MCTP2: variants seen among roughly 807,000 people sequenced by gnomAD.
MCTP2 encodes the protein multiple C2 and transmembrane domain containing 2.
MCTP2 carries 132 observed loss-of-function variants against 111.6 expected under a neutral mutation model. That is an observed-to-expected ratio of 1.18 (90% CI 1.03 to 1.37). The LOEUF (loss-of-function observed/expected upper bound fraction) is 1.37. MCTP2 is among the 40% of genes most tolerant of loss of function. MCTP2 has a pLI of 0.00. For synonymous variants in MCTP2, 395 were observed against 387.7 expected, an observed-to-expected ratio of 1.02 and a Z score of -0.22; for missense variants, 1,183 against 1,067.9, an observed-to-expected ratio of 1.11 and a Z score of -1.50.
intron 8 of MCTP2, among the ~76,000 whole-genome samples, chr15:94,350,130 G>T (rs2152417205): frequency 6.6e-6 from 1 of 152,262 alleles, no homozygotes; most frequent in South Asian, 2.1e-4. Context: ...GCCCTGGGAA[G>T]GACTAGAGTA....
chr15:94,232,781 T>C (rs1175345795), intron 1 of MCTP2, among the ~76,000 whole-genome samples: 3 of 152,188 alleles, frequency 2.0e-5, no homozygotes, highest in Admixed American at 2.0e-4. Flanking sequence ...GCAGGGAGAA[T>C]GTAAATCTTT....
At chr15:94,270,337 G>T (rs1024013212) in intron 1 of MCTP2, among the ~76,000 whole-genome samples, 1 of 152,182 alleles carries the variant, frequency 6.6e-6, no homozygotes, top group African/African-American at 2.4e-5. Context: ...ATTACCTATT[G>T]TATAAGATCA....
chr15:94,453,794 G>A (rs2084624342), intron 19 of MCTP2, among the ~76,000 whole-genome samples: 1 of 152,262 alleles, frequency 6.6e-6, no homozygotes, highest in South Asian at 2.1e-4. Flanking sequence ...ACTTGATCAT[G>A]TCACTGACAT....
At chr15:94,235,441 C>T (rs2070474506) in intron 1 of MCTP2, among the ~76,000 whole-genome samples, 1 of 152,050 alleles carries the variant, frequency 6.6e-6, no homozygotes, top group Admixed American at 6.6e-5. Flanking sequence ...CCGGATGATT[C>T]TGGTGCATGC....
intron 17 of MCTP2, 28 bp from the exon 18 acceptor site, chr15:94,440,148 C>G (rs771291947): frequency 6.2e-7 from 1 of 1,611,480 alleles, no homozygotes. Flanking sequence ...ATCAAGCAGT[C>G]GTGTATTCTT....
intron 19 of MCTP2, 78 bp downstream of exon 19, chr15:94,443,038 C>A (rs961075582): frequency 1.4e-5 from 14 of 1,012,660 alleles, no homozygotes; most frequent in African/African-American, 9.3e-5. Context: ...GGTTGAGTCT[C>A]TCTCCTCTCT....
At chr15:94,262,017 A>G (rs568744648) in intron 1 of MCTP2, among the ~76,000 whole-genome samples, 44 of 152,298 alleles carry the variant, frequency 2.9e-4, no homozygotes, top group African/African-American at 1.0e-3. Context: ...ATATTTTTGG[A>G]AAACTAATGT....
At chr15:94,467,341 T>TA (rs1222371823) in intron 20 of MCTP2, among the ~76,000 whole-genome samples, 1 of 152,058 alleles carries the variant, frequency 6.6e-6, no homozygotes, top group Admixed American at 6.6e-5. Flanking sequence ...GTCTCCACTT[T>TA]AAAAAAAATT....
At chr15:94,343,941 T>TA (rs2077809812) in intron 7 of MCTP2, 1 of 152,110 alleles carries the variant, frequency 6.6e-6, no homozygotes. Context: ...GTGTAATTGT[T>TA]AAAAAATATC....
chr15:94,328,351 A>G, intron 4 of MCTP2, among the ~76,000 whole-genome samples: 1 of 151,460 alleles, frequency 6.6e-6, no homozygotes, highest in Non-Finnish European at 1.5e-5. Context: ...GATGGTCTTG[A>G]TCTCCTGACC....
At chr15:94,290,900 A>G (rs1268146169) in intron 1 of MCTP2, among the ~76,000 whole-genome samples, 1 of 152,242 alleles carries the variant, frequency 6.6e-6, no homozygotes, top group Admixed American at 6.5e-5. Context: ...TTCAAAATAC[A>G]GAAGCAAAAA....
intron 1 of MCTP2, among the ~76,000 whole-genome samples, chr15:94,263,204 G>T (rs2073301446): frequency 6.6e-6 from 1 of 152,194 alleles, no homozygotes; most frequent in African/African-American, 2.4e-5. Flanking sequence ...AGAGAAGGAT[G>T]CATTATCCAC....
At chr15:94,268,482 G>T (rs1450485451) in intron 1 of MCTP2, among the ~76,000 whole-genome samples, 1 of 151,996 alleles carries the variant, frequency 6.6e-6, no homozygotes. Flanking sequence ...ATGAGCCACC[G>T]CGCCTGGCCA....
chr15:94,302,212 G>A (rs551972473), intron 2 of MCTP2, among the ~76,000 whole-genome samples: 2 of 152,160 alleles, frequency 1.3e-5, no homozygotes, highest in Non-Finnish European at 2.9e-5. Context: ...AGATTACTCT[G>A]AGCAGGGTGG....
At chr15:94,420,833 G>T (rs1168674525) in intron 17 of MCTP2, among the ~76,000 whole-genome samples, 2 of 152,158 alleles carry the variant, frequency 1.3e-5, no homozygotes, top group Admixed American at 1.3e-4. Flanking sequence ...GGAAGGGTTT[G>T]AAAATGTTGA....
At chr15:94,353,004 T>C (rs1020176669) in intron 8 of MCTP2, among the ~76,000 whole-genome samples, 1 of 152,198 alleles carries the variant, frequency 6.6e-6, no homozygotes, top group African/African-American at 2.4e-5. Flanking sequence ...CTTATAGTGG[T>C]TTGCAGAAAT....
chr15:94,356,086 C>G (rs375887772), intron 8 of MCTP2, 51 bp from the exon 9 acceptor site: 121 of 1,406,602 alleles, frequency 8.6e-5, no homozygotes, highest in Non-Finnish European at 1.1e-4. Context: ...ATCAAAGTCA[C>G]TCTCAGGAAT....
chr15:94,449,618 G>A (rs1028056472), intron 19 of MCTP2, among the ~76,000 whole-genome samples: 4 of 152,190 alleles, frequency 2.6e-5, no homozygotes, highest in African/African-American at 4.8e-5. Context: ...TAGGACTTCT[G>A]CTTTCATCAA....
At chr15:94,337,666 G>GGTGTGTGTGTGT (rs3068711) in intron 4 of MCTP2, among the ~76,000 whole-genome samples, 38 of 150,790 alleles carry the variant, frequency 2.5e-4, no homozygotes, top group African/African-American at 9.3e-4. Flanking sequence ...GCCCGAACAC[G>GGTGTGTGTGTGT]GTGTGTGTGT....
Sources: gnomAD v4.1 joint callset for allele counts (sites outside exome capture counted in the v4.1 genomes callset) on GRCh38, gnomAD v4.1.1 for gene constraint, MANE v1.5 for transcripts, NCBI Gene and HGNC (gene_info 2026-07-23, HGNC 2026-07-21) for gene names.